Variants in ADORA2B observed in about 807,000 individuals in gnomAD.
The protein encoded by ADORA2B is adenosine receptor A2b.
ADORA2B carries 18 observed loss-of-function variants against 20.8 expected under a neutral mutation model. The ratio of observed to expected loss-of-function variants is 0.87; its 90% CI spans 0.60 to 1.29. The LOEUF (loss-of-function observed/expected upper bound fraction) is 1.29. Ranked by LOEUF, ADORA2B falls within the 50% of genes most tolerant of loss-of-function variation. The probability of loss-of-function intolerance (pLI) is 0.00; values close to 1 mark genes in which losing one functional copy is unlikely to be tolerated. For missense variants in ADORA2B, 441 were observed against 422.7 expected (o/e 1.04, Z -0.38); for synonymous variants, 179 against 178.3 (o/e 1.00, Z -0.03).
chr17:15,959,503 T>A (rs1464871945), intron 1 of ADORA2B, among the ~76,000 whole-genome samples: 2 of 147,646 alleles, frequency 1.4e-5, no homozygotes, highest in South Asian at 2.2e-4. Context: ...GATTTTTTTT[T>A]TTTTTTTTTT....
At chr17:15,882,308 G>T in the ADORA2B span, among the ~76,000 whole-genome samples, 1 of 152,180 alleles carries the variant, frequency 6.6e-6, no homozygotes, top group African/African-American at 2.4e-5. Context: ...CAGCCACCCT[G>T]CAGGCTAAGG....
chr17:15,884,532 C>T, the ADORA2B span, among the ~76,000 whole-genome samples: 2 of 152,220 alleles, frequency 1.3e-5, no homozygotes, highest in Admixed American at 1.3e-4. Flanking sequence ...TAAGAATAAG[C>T]CCAGCATCCA....
At chr17:15,905,761 T>G in the ADORA2B span, among the ~76,000 whole-genome samples, 12,961 of 152,082 alleles carry the variant, frequency 0.085, 1,559 homozygotes, top group African/African-American at 0.26. Flanking sequence ...GTTCAAGCAA[T>G]TCTCCTGCCT....
At chr17:15,962,107 A>G (rs1243430333) in intron 1 of ADORA2B, among the ~76,000 whole-genome samples, 1 of 152,194 alleles carries the variant, frequency 6.6e-6, no homozygotes, top group East Asian at 1.9e-4. Flanking sequence ...GTTCAAGACC[A>G]TCCTGGCTAA....
chr17:15,938,293 CTTTT>C, the ADORA2B span, among the ~76,000 whole-genome samples: 2 of 152,056 alleles, frequency 1.3e-5, no homozygotes, highest in African/African-American at 4.8e-5. Flanking sequence ...ATTCAGTGTT[CTTTT>C]TGTTTGTTTT....
intron 1 of ADORA2B, among the ~76,000 whole-genome samples, chr17:15,965,198 T>C (rs559803633): frequency 3.3e-5 from 5 of 152,356 alleles, no homozygotes; most frequent in African/African-American, 9.6e-5. Flanking sequence ...GCTGAAACCA[T>C]GTTCATGCAC....
At chr17:15,946,062 G>A (rs1401651204) in intron 1 of ADORA2B, among the ~76,000 whole-genome samples, 1 of 152,186 alleles carries the variant, frequency 6.6e-6, no homozygotes, top group African/African-American at 2.4e-5. Flanking sequence ...TCCCACTAAG[G>A]GCAAGGCAAC....
At chr17:15,902,118 C>T in the ADORA2B span, among the ~76,000 whole-genome samples, 1 of 152,174 alleles carries the variant, frequency 6.6e-6, no homozygotes, top group Non-Finnish European at 1.5e-5. Flanking sequence ...TGAGTGGATT[C>T]ATATGGGATT....
At chr17:15,939,081 C>A in the ADORA2B span, among the ~76,000 whole-genome samples, 2 of 152,098 alleles carry the variant, frequency 1.3e-5, no homozygotes, top group African/African-American at 2.4e-5. Context: ...CTCACCGTTG[C>A]CCAGGCCGGA....
chr17:15,954,695 A>G (rs1225435861), intron 1 of ADORA2B, among the ~76,000 whole-genome samples: 1 of 152,196 alleles, frequency 6.6e-6, no homozygotes, highest in African/African-American at 2.4e-5. Context: ...TGAGCCCAGG[A>G]GGTTGAGGCT....
At chr17:15,899,288 G>C in the ADORA2B span, among the ~76,000 whole-genome samples, 7 of 151,970 alleles carry the variant, frequency 4.6e-5, no homozygotes, top group African/African-American at 1.7e-4. Flanking sequence ...ACTACACCCA[G>C]TCAGAACTGA....
intron 1 of ADORA2B, among the ~76,000 whole-genome samples, 193 bp downstream of exon 1, chr17:15,945,776 C>T (rs1241910959): frequency 1.3e-5 from 2 of 152,178 alleles, no homozygotes; most frequent in Non-Finnish European, 2.9e-5. Flanking sequence ...CCCAAGACAT[C>T]CCAGATGCGC....
the ADORA2B span, among the ~76,000 whole-genome samples, chr17:15,936,041 G>GTT: frequency 6.6e-6 from 1 of 151,386 alleles, no homozygotes; most frequent in East Asian, 2.0e-4. Context: ...TAATTGTTTT[G>GTT]TTTTGTTTTG....
intron 1 of ADORA2B, among the ~76,000 whole-genome samples, chr17:15,970,890 A>C (rs1416748467): frequency 6.6e-6 from 1 of 151,998 alleles, no homozygotes; most frequent in Non-Finnish European, 1.5e-5. Context: ...ACACCCTTCC[A>C]CAAGAGCATC....
At chr17:15,924,822 C>T in the ADORA2B span, among the ~76,000 whole-genome samples, 1 of 151,828 alleles carries the variant, frequency 6.6e-6, no homozygotes, top group Non-Finnish European at 1.5e-5. Flanking sequence ...TGTTTACCCC[C>T]CTTAGCCCCT....
intron 1 of ADORA2B, among the ~76,000 whole-genome samples, chr17:15,968,621 G>A (rs1970149200): frequency 6.6e-6 from 1 of 152,228 alleles, no homozygotes; most frequent in Admixed American, 6.5e-5. Context: ...ACATGGAAGA[G>A]CTGTAGATTC....
chr17:15,958,037 G>A (rs1332047424), intron 1 of ADORA2B, among the ~76,000 whole-genome samples: 1 of 126,054 alleles, frequency 7.9e-6, no homozygotes, highest in African/African-American at 2.9e-5. Context: ...TTTTTTTCTT[G>A]AGACAGAGTT....
intron 1 of ADORA2B, among the ~76,000 whole-genome samples, chr17:15,950,618 G>C (rs1969887204): frequency 6.6e-6 from 1 of 152,140 alleles, no homozygotes. Context: ...GCCCCCAGCT[G>C]GACTCCTGCT....
At chr17:15,938,211 A>AGAAAGGAAGGAAGGAAAG in the ADORA2B span, among the ~76,000 whole-genome samples, 2 of 152,006 alleles carry the variant, frequency 1.3e-5, no homozygotes, top group South Asian at 2.1e-4. Flanking sequence ...GAAGGAAGTT[A>AGAAAGGAAGGAAGGAAAG]GAAAGGAAGG....
Sources: gnomAD v4.1 joint callset for allele counts (sites outside exome capture counted in the v4.1 genomes callset) on GRCh38, gnomAD v4.1.1 for gene constraint, MANE v1.5 for transcripts, NCBI Gene and HGNC (gene_info 2026-07-23, HGNC 2026-07-21) for gene names.